KLF12: variants seen among roughly 807,000 people sequenced by gnomAD.
KLF12 encodes Krueppel-like factor 12.
KLF12 carries 9 observed loss-of-function variants against 37.8 expected under a neutral mutation model. That is an observed-to-expected ratio of 0.24 (90% confidence interval 0.14 to 0.42). The LOEUF (loss-of-function observed/expected upper bound fraction) is 0.42. KLF12 is among the 10% of genes least tolerant of loss of function. The pLI is 1.00. For synonymous variants in KLF12, 208 were observed against 202.1 expected, an observed-to-expected ratio of 1.03 and a Z score of -0.25; for missense variants, 411 against 516.0, an observed-to-expected ratio of 0.80 and a Z score of 1.97.
At chr13:73,873,811 T>C (rs1010163154) in intron 3 of KLF12, among the ~76,000 whole-genome samples, 2 of 152,142 alleles carry the variant, frequency 1.3e-5, no homozygotes, top group African/African-American at 2.4e-5. Context: ...TGTATTAATA[T>C]GTTTTAAAAT....
rs536690596 is a variant in KLF12 at position 73,859,598 on chromosome 13, T to C, written c.124-13225A>G. ...CCACTTCCCCAATATACCTTGCATATAATAAATTTAATGGCATGATGCAGA... is the reference window on the plus strand; with the variant it reads ...CCACTTCCCCAATATACCTTGCATACAATAAATTTAATGGCATGATGCAGA... On this transcript the variant is annotated intron_variant, in intron 3 of 7. Coordinates refer to ENST00000377669, the MANE Select transcript of KLF12 (RefSeq NM_007249.5). 4.6e-5 allele frequency among the ~76,000 whole-genome samples: 7 copies of C among 152,282 alleles called. No homozygotes were observed. The South Asian group carries it at 1.4e-3, about 32-fold the overall frequency.
At position 73,764,933 on chromosome 13, in the gene KLF12, CTCA is replaced by C; in HGVS notation, c.869+2_869+4del. The C allele has an allele frequency of 6.6e-7, 1 of 1,518,586 alleles. No individual in the cohort carries two copies. The allele number at this position is 1,518,586 out of a possible 1,614,324, so 94.1% of individuals were successfully genotyped here. A position where few individuals can be genotyped will look rare whatever the true frequency, so the allele number is the denominator to read the frequency against. The stretch of plus-strand genomic sequence containing the variant: ...ACAAATACTCATATTAGACTGTATA[CTCA>C]CCAAGGAAACTTTTGATTATTCATT... On this transcript the variant is annotated splice_donor_variant and splice_donor_region_variant and intron_variant, in intron 6 of 7. Transcript: ENST00000377669. LOFTEE classifies it high-confidence loss of function.
intron 1 of KLF12, among the ~76,000 whole-genome samples, chr13:74,121,881 A>C (rs1256922963): frequency 6.6e-6 from 1 of 152,040 alleles, no homozygotes; most frequent in Non-Finnish European, 1.5e-5. Flanking sequence ...AAAGAAAAAG[A>C]CTACCTCAAA....
At chr13:73,934,859 G>A (rs1889852072) in intron 3 of KLF12, among the ~76,000 whole-genome samples, 1 of 151,788 alleles carries the variant, frequency 6.6e-6, no homozygotes, top group Non-Finnish European at 1.5e-5. Flanking sequence ...ACTTGCTATT[G>A]TTCCACAGCT....
chr13:74,247,052 A>T, the KLF12 span, among the ~76,000 whole-genome samples: 1 of 152,230 alleles, frequency 6.6e-6, no homozygotes, highest in Admixed American at 6.5e-5. Context: ...AAACGATCTT[A>T]TTGTACTAAT....
the KLF12 span, among the ~76,000 whole-genome samples, chr13:74,141,005 C>T: frequency 1.3e-5 from 2 of 152,038 alleles, no homozygotes; most frequent in African/African-American, 2.4e-5. Flanking sequence ...GAGGAGCTTG[C>T]AGTGAGCCGA....
the KLF12 span, among the ~76,000 whole-genome samples, chr13:74,184,810 T>C: frequency 6.6e-6 from 1 of 152,248 alleles, no homozygotes; most frequent in African/African-American, 2.4e-5. Context: ...TATAGAGAAA[T>C]ATTTTTATTG....
At chr13:74,210,121 A>G in the KLF12 span, among the ~76,000 whole-genome samples, 1 of 152,198 alleles carries the variant, frequency 6.6e-6, no homozygotes, top group Non-Finnish European at 1.5e-5. Flanking sequence ...TTGCAAAGAG[A>G]TTAGAAAGAG....
chr13:74,235,853 T>A, the KLF12 span, among the ~76,000 whole-genome samples: 1 of 152,090 alleles, frequency 6.6e-6, no homozygotes, highest in South Asian at 2.1e-4. Context: ...GGATCAGCAG[T>A]GGAATTTGGA....
chr13:73,716,377 T>TA (rs924723922), intron 6 of KLF12, among the ~76,000 whole-genome samples: 3 of 152,192 alleles, frequency 2.0e-5, no homozygotes, highest in Admixed American at 2.0e-4. Flanking sequence ...TGAGATATGA[T>TA]AAAAAAGCAG....
At chr13:73,822,958 CA>C (rs1883612393) in intron 4 of KLF12, among the ~76,000 whole-genome samples, 1 of 152,112 alleles carries the variant, frequency 6.6e-6, no homozygotes, top group Non-Finnish European at 1.5e-5. Context: ...CCGATTTATT[CA>C]AAACTGAAAC....
chr13:73,976,999 C>A (rs1163750802), intron 2 of KLF12, among the ~76,000 whole-genome samples: 1 of 151,268 alleles, frequency 6.6e-6, no homozygotes, highest in African/African-American at 2.4e-5. Flanking sequence ...TAAGTGAAAG[C>A]TTTATCTATT....
upstream of KLF12, among the ~76,000 whole-genome samples, chr13:74,136,885 A>G (rs1878574119): frequency 6.6e-6 from 1 of 152,242 alleles, no homozygotes; most frequent in African/African-American, 2.4e-5. Flanking sequence ...CTAGCTATGA[A>G]AAGGAAAAGG....
chr13:74,192,835 A>T, the KLF12 span, among the ~76,000 whole-genome samples: 2 of 152,236 alleles, frequency 1.3e-5, no homozygotes, highest in Non-Finnish European at 2.9e-5. Flanking sequence ...AAAATGAATT[A>T]TGCTGGCTTA....
upstream of KLF12, among the ~76,000 whole-genome samples, chr13:74,136,659 C>T (rs1472721391): frequency 6.6e-6 from 1 of 152,020 alleles, no homozygotes; most frequent in East Asian, 1.9e-4. Context: ...TGGCATAAGC[C>T]ACGGGCTTGT....
At chr13:74,140,954 GT>G in the KLF12 span, among the ~76,000 whole-genome samples, 1 of 152,062 alleles carries the variant, frequency 6.6e-6, no homozygotes, top group East Asian at 1.9e-4. Context: ...TACTCGGGGG[GT>G]GGGGGGTGCT....
intron 3 of KLF12, among the ~76,000 whole-genome samples, chr13:73,936,170 A>T (rs1043552885): frequency 1.3e-5 from 2 of 152,102 alleles, no homozygotes; most frequent in African/African-American, 4.8e-5. Flanking sequence ...GGTAATTTTG[A>T]TCGGATGCCA....
intron 2 of KLF12, among the ~76,000 whole-genome samples, chr13:73,950,493 A>T (rs994787004): frequency 1.3e-5 from 2 of 152,150 alleles, no homozygotes; most frequent in Non-Finnish European, 2.9e-5. Flanking sequence ...TGTCATTCAT[A>T]CTCTGAAAAA....
rs571597991 is a variant in KLF12 at position 74,097,397 on chromosome 13, A to G, written c.-32+36342T>C. Among the ~76,000 whole-genome samples, 30 of 152,290 alleles carry G rather than the reference A, an allele frequency of 2.0e-4. No individual in the cohort carries two copies. In the South Asian group the frequency reaches 2.3e-3, roughly 12 times the overall value. ...ATTACCTAAGCTTGCTCTGACTTTC[A>G]TATCAACAATCAAATACAGAAAGAA... On this transcript the variant is annotated intron_variant, in intron 1 of 7. Coordinates refer to ENST00000377669, the MANE Select transcript of KLF12 (RefSeq NM_007249.5).
Sources: gnomAD v4.1 joint callset for allele counts (sites outside exome capture counted in the v4.1 genomes callset) on GRCh38, gnomAD v4.1.1 for gene constraint, MANE v1.5 for transcripts, NCBI Gene and HGNC (gene_info 2026-07-23, HGNC 2026-07-21) for gene names.